The following GIT2 variants were observed in gnomAD, a reference collection of about 807,000 sequenced individuals.
The protein encoded by GIT2 is GIT ArfGAP 2.
GIT2 carries 32 observed loss-of-function variants against 100.3 expected under a neutral mutation model. That is an observed-to-expected ratio of 0.32 (90% CI 0.24 to 0.43). The LOEUF is 0.43. GIT2 is among the 20% of genes least tolerant of loss of function. The probability of loss-of-function intolerance (pLI) is 1.00; values close to 1 mark genes in which losing one functional copy is unlikely to be tolerated. For synonymous variants in GIT2, 353 were observed against 364.1 expected (o/e 0.97, Z 0.35); for missense variants, 737 against 975.1 (o/e 0.76, Z 3.25).
chr12:109,986,414 G>C (rs1458880095), intron 4 of GIT2, among the ~76,000 whole-genome samples: 1 of 152,192 alleles, frequency 6.6e-6, no homozygotes. Flanking sequence ...GGCGGATCAT[G>C]AGGTTAGGAG....
At chr12:109,939,395 TA>T in intron 16 of GIT2, 148 bp from the exon 17 acceptor site, 1 of 575,372 alleles carries the variant, frequency 1.7e-6, no homozygotes, top group Non-Finnish European at 3.2e-6. Flanking sequence ...GAAAATTTAG[TA>T]AAAGATGAAT....
chr12:109,948,283 G>T lies in GIT2; in HGVS notation c.1393-779C>A. 4.1e-6 allele frequency: 4 copies of T among 986,754 alleles called. No individual in the cohort carries two copies. The highest frequency in any genetic ancestry group is 4.8e-6 in the Non-Finnish European group (4 of 830,876). The allele number at this position is 986,754 out of a possible 1,614,324, so 61.1% of individuals were successfully genotyped here. A position where few individuals can be genotyped will look rare whatever the true frequency, so the allele number is the denominator to read the frequency against. On this transcript the variant is annotated intron_variant, in intron 14 of 19. Transcript: ENST00000355312. The surrounding 1 kb of genome is among the most constrained non-coding windows in gnomAD (Gnocchi z 4.3). ...CCGTCTGGTGAGTGATCATCTTTCG[G>T]CCAGGGCTGGAATATTTGGCCTTTC...
intron 8 of GIT2, 200 bp downstream of exon 8, chr12:109,967,258 G>A (rs2136486961): frequency 7.5e-7 from 1 of 1,331,938 alleles, no homozygotes; most frequent in South Asian, 1.3e-5. Flanking sequence ...TTTCCTATTA[G>A]TAAAATTGCT....
intron 7 of GIT2, among the ~76,000 whole-genome samples, chr12:109,978,759 T>C (rs1885668099): frequency 6.6e-6 from 1 of 152,254 alleles, no homozygotes; most frequent in African/African-American, 2.4e-5. Flanking sequence ...TTCAAGAATG[T>C]TTGCTTTTAC....
intron 10 of GIT2, 28 bp downstream of exon 10, chr12:109,961,585 C>T (rs1881103648): frequency 1.4e-6 from 2 of 1,449,240 alleles, no homozygotes; most frequent in Admixed American, 1.7e-5. Flanking sequence ...ATAACAGAAG[C>T]TTATTAGATA....
At chr12:109,999,637 C>G (rs1889834973), upstream of GIT2, 3 of 1,445,792 alleles carry the variant, frequency 2.1e-6, no homozygotes, top group East Asian at 8.6e-5. The surrounding 1 kb of genome is among the most constrained non-coding windows in gnomAD (Gnocchi z 4.3). Flanking sequence ...GAGACCCCGC[C>G]GGGGCCGAGA....
At position 109,948,776 on chromosome 12, in the gene GIT2, A is replaced by G. The variant is rs1449206010; in HGVS notation, c.1393-1272T>C. The G allele has an allele frequency of 6.3e-7, 1 of 1,581,770 alleles. No individual in the cohort carries two copies. The highest frequency in any genetic ancestry group is 1.2e-5 in the South Asian group (1 of 84,892). ...GAGTTACTTTCAATTTTTATTTAGA[A>G]AGCACCAATCTGTGAAAAATACACC... is the stretch of plus-strand genomic sequence containing the variant. On this transcript the variant is annotated intron_variant, in intron 14 of 19. Transcript: ENST00000355312. The surrounding 1 kb of genome is among the most constrained non-coding windows in gnomAD (Gnocchi z 4.3).
intron 7 of GIT2, among the ~76,000 whole-genome samples, 200 bp from the exon 8 acceptor site, chr12:109,967,703 G>T (rs988152443): frequency 2.0e-5 from 3 of 152,162 alleles, no homozygotes; most frequent in African/African-American, 7.2e-5. Flanking sequence ...CTGGTACAAA[G>T]GTCCAGGCAT....
rs910868714 is a variant in GIT2, at chr12:109,962,346, C to T, written c.817-661G>A. 6.6e-6 allele frequency among the ~76,000 whole-genome samples: 1 copy of T among 151,818 alleles called. No individual in the cohort carries two copies. The highest frequency in any genetic ancestry group is 1.5e-5 in the Non-Finnish European group (1 of 67,874). Reference sequence around the variant, plus strand: ...CCAGGCTGGGTGACAGAGTGAGACCCTATCTCAAAAAAGAAAAAAGAAAAG... The same window carrying T: ...CCAGGCTGGGTGACAGAGTGAGACCTTATCTCAAAAAAGAAAAAAGAAAAG... On this transcript the variant is annotated intron_variant, in intron 9 of 19. Coordinates refer to ENST00000355312, the MANE Select transcript of GIT2 (RefSeq NM_057169.5). This position sits in a 1 kb window ranked among gnomAD's most constrained non-coding sequence, Gnocchi z 4.3.
Position 109,934,756 on chromosome 12 carries a change from A to C in GIT2, c.2004-671T>G, listed in dbSNP as rs1215861599. 6.6e-6 allele frequency among the ~76,000 whole-genome samples: 1 copy of C among 152,182 alleles called. No individual in the cohort carries two copies. The highest frequency in any genetic ancestry group is 6.5e-5 in the Admixed American group (1 of 15,274). On this transcript the variant is annotated intron_variant, in intron 18 of 19. Transcript: ENST00000355312. This position sits in a 1 kb window ranked among gnomAD's most constrained non-coding sequence, Gnocchi z 4.5. ...GCAACTTATGCACTTCACCTTTGTA[A>C]CAAGTCTAGTTTCAAAACTATTATA...
intron 9 of GIT2, among the ~76,000 whole-genome samples, chr12:109,964,814 A>T (rs1243588612): frequency 1.3e-5 from 2 of 152,160 alleles, no homozygotes; most frequent in Non-Finnish European, 2.9e-5. Flanking sequence ...TTTGGTGGTT[A>T]AAGTGGAGAG....
intron 18 of GIT2, among the ~76,000 whole-genome samples, chr12:109,938,130 G>A (rs1297944854): frequency 6.6e-6 from 1 of 152,066 alleles, no homozygotes; most frequent in Admixed American, 6.6e-5. Flanking sequence ...TAACTATGCC[G>A]CAATCCTGTT....
At chr12:109,973,124 G>C (rs890683945) in intron 7 of GIT2, among the ~76,000 whole-genome samples, 7 of 151,968 alleles carry the variant, frequency 4.6e-5, no homozygotes, top group African/African-American at 1.5e-4. Context: ...CACTATGCCT[G>C]GTCTGTATTA....
chr12:109,999,503 C>G (rs568877117), upstream of GIT2: 3 of 310,536 alleles, frequency 9.7e-6, no homozygotes, highest in Admixed American at 1.0e-4. The surrounding 1 kb of genome is among the most constrained non-coding windows in gnomAD (Gnocchi z 4.3). Context: ...CGACCTGGTC[C>G]CTGAGCCGGC....
chr12:109,939,203 G>A lies in GIT2; in HGVS notation c.1776C>T (p.Tyr592=), dbSNP rs75596319. Residue 592 remains tyrosine, a synonymous_variant, in exon 17 of 20, where the codon TAC becomes TAT. Transcript: ENST00000355312. ...GCTCCATGTCGTTGGGAGTGTTGTC[G>A]TAGTCACTCTCAGGTGTGCTGTTCT... ...EKQNSTPESD[Y]DNTPNDMEPD... is the part of the protein sequence containing the mutation. 63 of 1,611,024 alleles carry A rather than the reference G, an allele frequency of 3.9e-5. No homozygotes were observed. The highest frequency in any genetic ancestry group is 2.9e-4 in the East Asian group (13 of 44,828).
intron 1 of GIT2, among the ~76,000 whole-genome samples, chr12:109,992,421 A>C (rs1269766201): frequency 6.6e-6 from 1 of 152,082 alleles, no homozygotes; most frequent in Non-Finnish European, 1.5e-5. Flanking sequence ...TGCTGAGATT[A>C]CAGGCGTGAG....
At chr12:109,988,871 A>G (rs1350706824) in intron 4 of GIT2, 92 bp downstream of exon 4, 4 of 542,674 alleles carry the variant, frequency 7.4e-6, no homozygotes, top group Non-Finnish European at 1.3e-5. Flanking sequence ...AAAAAAAAAA[A>G]GCCCACAACC....
intron 7 of GIT2, 92 bp from the exon 8 acceptor site, chr12:109,967,595 G>C (rs1175913503): frequency 1.1e-6 from 1 of 903,880 alleles, no homozygotes; most frequent in African/African-American, 1.6e-5. Context: ...ACTAAGTTTT[G>C]CGATTAGTAT....
At chr12:109,993,823 G>A (rs779509140) in intron 1 of GIT2, among the ~76,000 whole-genome samples, 1 of 150,694 alleles carries the variant, frequency 6.6e-6, no homozygotes, top group Non-Finnish European at 1.5e-5. Context: ...TCAAGTAATT[G>A]AACTCAGAGT....
Sources: allele counts gnomAD v4.1 joint callset (sites outside exome capture counted in the v4.1 genomes callset), GRCh38; gene constraint gnomAD v4.1.1; non-coding constraint Gnocchi (gnomAD v3.1); transcripts MANE v1.5; gene names NCBI Gene and HGNC (gene_info 2026-07-23, HGNC 2026-07-21).